INTS4: variants seen among roughly 807,000 people sequenced by gnomAD.
INTS4 encodes MSTP093.
Under a neutral mutation model 119.5 loss-of-function variants are expected in INTS4, and 70 were observed. The observed-to-expected ratio is 0.59, with a 90% CI of 0.48 to 0.71. INTS4 has a LOEUF of 0.71. Ranked by LOEUF, INTS4 falls within the 30% of genes least tolerant of loss-of-function variation. INTS4 has a pLI of 0.00. For missense variants in INTS4, 867 were observed against 1,173.2 expected, an observed-to-expected ratio of 0.74 and a Z score of 3.81; for synonymous variants, 316 against 419.6, an observed-to-expected ratio of 0.75 and a Z score of 3.02.
chr11:77,932,044 A>C (rs762250490), intron 10 of INTS4, among the ~76,000 whole-genome samples: 1 of 152,218 alleles, frequency 6.6e-6, no homozygotes, highest in Non-Finnish European at 1.5e-5. Context: ...AGACTTCATG[A>C]CTTAAACACC....
At chr11:77,945,156 A>T (rs1954018230) in intron 8 of INTS4, among the ~76,000 whole-genome samples, 1 of 152,220 alleles carries the variant, frequency 6.6e-6, no homozygotes, top group South Asian at 2.1e-4. Flanking sequence ...TGCCAAAATC[A>T]GCTTAAAATC....
chr11:77,899,009 G>C (rs1952656593), intron 18 of INTS4, among the ~76,000 whole-genome samples: 1 of 151,440 alleles, frequency 6.6e-6, no homozygotes, highest in African/African-American at 2.5e-5. Context: ...GATAGAGCAA[G>C]ACTCTGTCTC....
intron 18 of INTS4, among the ~76,000 whole-genome samples, chr11:77,897,508 A>ATT (rs977241174): frequency 6.7e-6 from 1 of 148,364 alleles, no homozygotes; most frequent in Non-Finnish European, 1.5e-5. Flanking sequence ...TATTATTATT[A>ATT]TTTTTTTTTT....
chr11:77,964,561 G>A lies in INTS4; in HGVS notation c.472-3423C>T, dbSNP rs965980489. Reference sequence around the variant, plus strand: ...TGCACTCCAGCCTGTGTGACAGAGCGAGACTCTTTCTCAAAAATAAAAATA... The same window carrying A: ...TGCACTCCAGCCTGTGTGACAGAGCAAGACTCTTTCTCAAAAATAAAAATA... On this transcript the variant is annotated intron_variant, in intron 4 of 22. Transcript: ENST00000534064. Among the ~76,000 whole-genome samples the A allele has an allele frequency of 2.0e-5, 3 of 147,454 alleles. No homozygotes were observed. In the Admixed American group the frequency reaches 2.1e-4, roughly 10 times the overall value.
At chr11:77,948,668 C>CAAAAAAAAAAAAAAAAAA (rs869211924) in intron 8 of INTS4, among the ~76,000 whole-genome samples, 1 of 59,174 alleles carries the variant, frequency 1.7e-5, no homozygotes, top group African/African-American at 7.1e-5. Context: ...AAAAAAAAAA[C>CAAAAAAAAAAAAAAAAAA]AAAAAAAAAA....
At chr11:77,908,825 T>C (rs1393104912) in intron 15 of INTS4, among the ~76,000 whole-genome samples, 1 of 144,978 alleles carries the variant, frequency 6.9e-6, no homozygotes, top group African/African-American at 2.6e-5. Context: ...TTTTTTTGTA[T>C]CAGAAAAAAA....
At chr11:77,954,930 C>T (rs942036470) in intron 8 of INTS4, among the ~76,000 whole-genome samples, 1 of 152,054 alleles carries the variant, frequency 6.6e-6, no homozygotes, top group African/African-American at 2.4e-5. Flanking sequence ...TTTCCTTTTT[C>T]TCTAGGCTCC....
chr11:77,992,777 TTTA>T (rs1417888848), intron 1 of INTS4, among the ~76,000 whole-genome samples: 3 of 152,200 alleles, frequency 2.0e-5, no homozygotes, highest in Non-Finnish European at 2.9e-5. Context: ...ATACCAATAC[TTTA>T]TTATCACAGA....
chr11:77,898,956 G>A (rs1402079313), intron 18 of INTS4, among the ~76,000 whole-genome samples: 1 of 152,202 alleles, frequency 6.6e-6, no homozygotes, highest in Non-Finnish European at 1.5e-5. Context: ...GGAACCAGAG[G>A]TTGCAGTGAG....
intron 2 of INTS4, among the ~76,000 whole-genome samples, chr11:77,983,877 T>A (rs1856345351): frequency 6.6e-6 from 1 of 152,182 alleles, no homozygotes; most frequent in Non-Finnish European, 1.5e-5. Flanking sequence ...ATTCCACTTT[T>A]GGGTATATAC....
At chr11:77,938,627 T>C in intron 10 of INTS4, 24 bp downstream of exon 10, 1 of 1,602,340 alleles carries the variant, frequency 6.2e-7, no homozygotes, top group South Asian at 1.1e-5. Context: ...AAGAGTGCTA[T>C]TGCTATTATA....
intron 22 of INTS4, among the ~76,000 whole-genome samples, chr11:77,883,081 T>TAATAAC (rs961253647): frequency 6.6e-6 from 1 of 151,048 alleles, no homozygotes; most frequent in Non-Finnish European, 1.5e-5. Context: ...CTCAAAATAA[T>TAATAAC]AATAATAATA....
intron 2 of INTS4, among the ~76,000 whole-genome samples, chr11:77,985,072 G>C (rs1211148263): frequency 6.6e-6 from 1 of 152,110 alleles, no homozygotes; most frequent in Admixed American, 6.6e-5. Context: ...GCTAAAAACA[G>C]AATTACCTCC....
At chr11:77,928,699 A>G in intron 10 of INTS4, 152 bp from the exon 11 acceptor site, 1 of 1,310,836 alleles carries the variant, frequency 7.6e-7, no homozygotes, top group East Asian at 2.5e-5. Flanking sequence ...ATATTAAAAA[A>G]TTAGCTGGGT....
intron 18 of INTS4, among the ~76,000 whole-genome samples, chr11:77,899,660 G>C (rs745451592): frequency 9.3e-5 from 14 of 150,818 alleles, no homozygotes; most frequent in Non-Finnish European, 2.1e-4. Context: ...ACAAGAGCGA[G>C]ACTTTGTCTA....
chr11:77,983,114 T>C (rs1232498187), intron 2 of INTS4, among the ~76,000 whole-genome samples: 1 of 152,130 alleles, frequency 6.6e-6, no homozygotes, highest in African/African-American at 2.4e-5. Flanking sequence ...ACAATTAACC[T>C]CTCTGAGCCT....
At chr11:77,890,957 A>G (rs2136391153) in intron 21 of INTS4, among the ~76,000 whole-genome samples, 1 of 152,330 alleles carries the variant, frequency 6.6e-6, no homozygotes, top group South Asian at 2.1e-4. Flanking sequence ...CCTGAAAGGA[A>G]CTTGTTTATT....
intron 19 of INTS4, among the ~76,000 whole-genome samples, chr11:77,892,387 T>C (rs138114383): frequency 0.01 from 1,549 of 152,180 alleles, 31 homozygotes; most frequent in African/African-American, 0.034. Context: ...TCAAAAAATA[T>C]CTCACTGAGG....
chr11:77,933,714 C>T (rs1481536198), intron 10 of INTS4, among the ~76,000 whole-genome samples: 1 of 151,992 alleles, frequency 6.6e-6, no homozygotes, highest in Non-Finnish European at 1.5e-5. Context: ...GCCCCTCTGC[C>T]CTGCCGCCCC....
Sources: allele counts gnomAD v4.1 joint callset (sites outside exome capture counted in the v4.1 genomes callset), GRCh38; gene constraint gnomAD v4.1.1; transcripts MANE v1.5; gene names NCBI Gene and HGNC (gene_info 2026-07-23, HGNC 2026-07-21).